RBM42: variants seen among roughly 807,000 people sequenced by gnomAD.
RBM42 encodes the protein RNA binding motif protein 42.
Under a neutral mutation model 41.4 loss-of-function variants are expected in RBM42, and 21 were observed. The observed-to-expected ratio is 0.51, with a 90% CI of 0.36 to 0.73. RBM42 has a LOEUF of 0.73. RBM42 is among the 30% of genes least tolerant of loss of function. The pLI is 0.00. For synonymous variants in RBM42, 272 were observed against 271.2 expected (o/e 1.00, Z -0.03); for missense variants, 539 against 680.4 (o/e 0.79, Z 2.31).
At position 35,634,116 on chromosome 19, in the gene RBM42, T is replaced by TGG. The variant is rs569605100; in HGVS notation, c.1017+101_1017+102dup. 4.0e-5 allele frequency: 60 copies of TGG among 1,515,048 alleles called. No individual in the cohort carries two copies. The African/African-American group carries it at 7.5e-4, about 19-fold the overall frequency. 93.9% of individuals were successfully genotyped at this position (1,515,048 alleles called of 1,614,324 possible). A position where few individuals can be genotyped will look rare whatever the true frequency, so the allele number is the denominator to read the frequency against. ...AGACAGACCGGACAGCAGGAGGACC[T>TGG]GGGGGAGGGAGGCGGACACATGTGC... is the stretch of plus-strand genomic sequence containing the variant. On this transcript the variant is annotated intron_variant, in intron 7 of 9. Coordinates refer to ENST00000262633, the MANE Select transcript of RBM42 (RefSeq NM_024321.5).
chr19:35,635,649 T>C (rs1234469850), intron 8 of RBM42, among the ~76,000 whole-genome samples: 1 of 151,278 alleles, frequency 6.6e-6, no homozygotes, highest in Non-Finnish European at 1.5e-5. Context: ...GCCTCCCGAA[T>C]AGCTGGGACT....
intron 6 of RBM42, 42 bp downstream of exon 6, chr19:35,633,294 CG>C: frequency 6.8e-7 from 1 of 1,461,846 alleles, no homozygotes; most frequent in Non-Finnish European, 9.2e-7. Context: ...GTGCGGTGGA[CG>C]GGGAGACCAT....
Position 35,629,058 on chromosome 19 carries a change from G to T in RBM42, c.-96G>T. 2 of 1,438,666 alleles carry T rather than the reference G, an allele frequency of 1.4e-6. No homozygotes were observed. The highest frequency in any genetic ancestry group is 2.8e-5 in the South Asian group (2 of 72,494). The allele number at this position is 1,438,666 out of a possible 1,614,324, so 89.1% of individuals were successfully genotyped here. On this transcript the variant is annotated 5_prime_UTR_variant, in exon 1 of 10. Transcript: ENST00000262633. ...GTCGCTTTTGCTGGACGTCATCCTC[G>T]GGAGCCCACCCGGACGAAGGGGGAG...
intron 4 of RBM42, among the ~76,000 whole-genome samples, chr19:35,632,598 G>A (rs1967424577): frequency 6.6e-6 from 1 of 152,058 alleles, no homozygotes; most frequent in Non-Finnish European, 1.5e-5. Context: ...CACTGCCTGG[G>A]CTTCCCTGCT....
intron 4 of RBM42, 112 bp downstream of exon 4, chr19:35,631,517 T>G: frequency 1.0e-6 from 1 of 1,001,150 alleles, no homozygotes; most frequent in Admixed American, 2.4e-5. Flanking sequence ...GATCCCAACT[T>G]GATGTTGTCA....
intron 2 of RBM42, among the ~76,000 whole-genome samples, 187 bp from the exon 3 acceptor site, chr19:35,630,953 G>C (rs1308257836): frequency 4.6e-5 from 7 of 152,192 alleles, no homozygotes; most frequent in Non-Finnish European, 1.0e-4. Flanking sequence ...GGTGAGAGAA[G>C]TTGCTGCTCA....
Position 35,634,354 on chromosome 19 carries a change from C to T in RBM42, c.1116C>T (p.Ser372=), listed in dbSNP as rs187897395. The change falls in exon 8 of 10, where the codon AGC becomes AGT. Residue 372 remains serine (S), a synonymous_variant. Transcript: ENST00000262633. ...TAAGSSWEDP[S]LLEWDADDFR... ...CAGGGAGCAGCTGGGAGGACCCCAG[C>T]CTGCTGGAGTGGGATGCAGGTAAGC... 1.2e-6 allele frequency: 2 copies of T among 1,613,734 alleles called. No individual in the cohort carries two copies. The highest frequency in any genetic ancestry group is 1.7e-5 in the Admixed American group (1 of 60,010).
intron 8 of RBM42, among the ~76,000 whole-genome samples, chr19:35,636,010 G>T (rs1157207921): frequency 6.6e-6 from 1 of 152,138 alleles, no homozygotes; most frequent in African/African-American, 2.4e-5. Context: ...CCGTGCAATG[G>T]CTGAGGAAGG....
chr19:35,634,111 G>A, intron 7 of RBM42, 92 bp downstream of exon 7: 1 of 1,510,178 alleles, frequency 6.6e-7, no homozygotes, highest in South Asian at 1.3e-5. Flanking sequence ...GACAGCAGGA[G>A]GACCTGGGGG....
chr19:35,634,099 C>T lies in RBM42; in HGVS notation c.1017+80C>T, dbSNP rs577011873. On this transcript the variant is annotated intron_variant, in intron 7 of 9. Coordinates refer to ENST00000262633, the MANE Select transcript of RBM42 (RefSeq NM_024321.5). ...CCCAGGAACTTCCACACAGACAGAC[C>T]GGACAGCAGGAGGACCTGGGGGAGG... 26 of 1,497,500 alleles carry T rather than the reference C, an allele frequency of 1.7e-5. No individual in the cohort carries two copies. In the Admixed American group the frequency reaches 2.1e-4, roughly 12 times the overall value. 92.8% of individuals were successfully genotyped at this position (1,497,500 alleles called of 1,614,324 possible). A position where few individuals can be genotyped will look rare whatever the true frequency, so the allele number is the denominator to read the frequency against.
chr19:35,630,353 G>GTGTTGT (rs1967385456), intron 2 of RBM42, among the ~76,000 whole-genome samples: 1 of 151,644 alleles, frequency 6.6e-6, no homozygotes, highest in Non-Finnish European at 1.5e-5. Context: ...CATACCTGTT[G>GTGTTGT]TGTTGTTGTG....
chr19:35,630,538 C>T (rs111924025), intron 2 of RBM42, among the ~76,000 whole-genome samples: 51 of 152,228 alleles, frequency 3.4e-4, no homozygotes, highest in Admixed American at 9.8e-4. Flanking sequence ...GAAGCCAAGG[C>T]GGGTAGATCA....
intron 8 of RBM42, among the ~76,000 whole-genome samples, chr19:35,635,843 G>T (rs1444996633): frequency 6.6e-6 from 1 of 152,050 alleles, no homozygotes; most frequent in Non-Finnish European, 1.5e-5. Flanking sequence ...AATAAGAACG[G>T]TCTCTTTCCT....
At position 35,637,042 on chromosome 19, in the gene RBM42, A is replaced by T; in HGVS notation, c.1136-116A>T. 2.1e-6 allele frequency: 2 copies of T among 936,924 alleles called. No individual in the cohort carries two copies. The highest frequency in any genetic ancestry group is 3.2e-6 in the Non-Finnish European group (2 of 628,388). The allele number at this position is 936,924 out of a possible 1,614,324, so 58.0% of individuals were successfully genotyped here. A position where few individuals can be genotyped will look rare whatever the true frequency, so the allele number is the denominator to read the frequency against. On this transcript the variant is annotated intron_variant, in intron 8 of 9. Transcript: ENST00000262633. The surrounding 1 kb of genome is among the most constrained non-coding windows in gnomAD (Gnocchi z 7.0). Reference sequence around the variant, plus strand: ...GGGTCAGTAGGTGTTGACCATTATTACTAAGAGGTCCCTAGGCAGAGACTA... The same window carrying T: ...GGGTCAGTAGGTGTTGACCATTATTTCTAAGAGGTCCCTAGGCAGAGACTA...
intron 2 of RBM42, among the ~76,000 whole-genome samples, chr19:35,630,851 G>T (rs1052798441): frequency 9.9e-5 from 15 of 151,668 alleles, no homozygotes; most frequent in African/African-American, 3.6e-4. Flanking sequence ...GTTAATGGTG[G>T]CTTGGATGGA....
Position 35,637,454 on chromosome 19 carries a change from G to C in RBM42, c.1343G>C (p.Gly448Ala). 1 of 1,614,222 alleles carries C rather than the reference G, an allele frequency of 6.2e-7. No homozygotes were observed. Among genetic ancestry groups the C allele is most frequent in the South Asian group, 1.1e-5 (1 of 91,082 alleles). ...AMREMNGKYV[G>A]SRPIKLRKSM... ...TCTGTCTCCACAGGGAAGTATGTGG[G>C]CTCGCGCCCCATCAAGCTTCGCAAG... The change falls in exon 10 of 10, where the codon GGC becomes GCC. Residue 448 changes from glycine to alanine, a missense_variant. By Grantham distance (60) the Gly-to-Ala change is moderately conservative. Coordinates refer to ENST00000262633, the MANE Select transcript of RBM42 (RefSeq NM_024321.5). The surrounding 1 kb of genome is among the most constrained non-coding windows in gnomAD (Gnocchi z 7.0).
Position 35,633,017 on chromosome 19 carries a change from C to T in RBM42, c.508+16C>T. ...CAGAGAGCAGGTGAGGGGCCAGGGT[C>T]ATCATCCCTGCCACATAACTCCCCC... On this transcript the variant is annotated intron_variant, in intron 5 of 9. Coordinates refer to ENST00000262633, the MANE Select transcript of RBM42 (RefSeq NM_024321.5). 1.2e-6 allele frequency: 2 copies of T among 1,604,648 alleles called. No homozygotes were observed. The highest frequency in any genetic ancestry group is 1.7e-6 in the Non-Finnish European group (2 of 1,171,400).
chr19:35,634,513 T>C, intron 8 of RBM42, 140 bp downstream of exon 8: 1 of 612,120 alleles, frequency 1.6e-6, no homozygotes, highest in Admixed American at 2.8e-5. Flanking sequence ...GGGGAGGCTA[T>C]GGCTCAGGGG....
At chr19:35,634,146 C>T (rs1025750619) in intron 7 of RBM42, 110 bp from the exon 8 acceptor site, 2 of 1,539,650 alleles carry the variant, frequency 1.3e-6, no homozygotes, top group Non-Finnish European at 1.8e-6. Flanking sequence ...ATGTGCCCCA[C>T]ATCCAGAAGC....
Sources: allele counts gnomAD v4.1 joint callset (sites outside exome capture counted in the v4.1 genomes callset), GRCh38; gene constraint gnomAD v4.1.1; non-coding constraint Gnocchi (gnomAD v3.1); transcripts MANE v1.5; gene names NCBI Gene and HGNC (gene_info 2026-07-23, HGNC 2026-07-21).